The following ANKFN1 variants were observed in gnomAD, a reference collection of about 807,000 sequenced individuals.
The protein encoded by ANKFN1 is ankyrin repeat and fibronectin type III domain containing 1.
ANKFN1 carries 74 observed loss-of-function variants against 108.7 expected under a neutral mutation model. The ratio of observed to expected loss-of-function variants is 0.68; its 90% CI spans 0.56 to 0.83. The LOEUF (loss-of-function observed/expected upper bound fraction) is 0.83. ANKFN1 is among the 40% of genes least tolerant of loss of function. ANKFN1 has a pLI of 0.00. For missense variants in ANKFN1, 1,505 were observed against 1,382.3 expected, an observed-to-expected ratio of 1.09 and a Z score of -1.41; for synonymous variants, 547 against 516.2, an observed-to-expected ratio of 1.06 and a Z score of -0.81.
At chr17:56,302,754 A>C (rs2044710149) in intron 3 of ANKFN1, among the ~76,000 whole-genome samples, 1 of 152,188 alleles carries the variant, frequency 6.6e-6, no homozygotes, top group Non-Finnish European at 1.5e-5. Context: ...CCAAACCAAG[A>C]GACATACATA....
In ANKFN1 at chr17:56,124,574, A is replaced by G. The variant is rs74367335; in HGVS notation, c.288+78249A>G. On this transcript the variant is annotated intron_variant, in intron 4 of 12. Transcript: ENST00000635860. Reference sequence around the variant, plus strand: ...CAGGAGTCTGGCTTTATCCACTCTAACCCTCTTGTTCAGGACCCCAGTCAA... The same window carrying G: ...CAGGAGTCTGGCTTTATCCACTCTAGCCCTCTTGTTCAGGACCCCAGTCAA... Among the ~76,000 whole-genome samples the G allele has an allele frequency of 3.3e-3, 502 of 151,990 alleles. 4 individuals carry two copies. The highest frequency in any genetic ancestry group is 0.012 in the African/African-American group (483 of 41,436).
intron 8 of ANKFN1, among the ~76,000 whole-genome samples, chr17:56,389,974 G>T (rs760673444): frequency 1.3e-5 from 2 of 151,786 alleles, no homozygotes; most frequent in Admixed American, 1.3e-4. Flanking sequence ...CCCACTGATT[G>T]TTCAGGTGTC....
chr17:56,165,115 AATTGAT>A (rs1235587805), intron 1 of ANKFN1, among the ~76,000 whole-genome samples: 2 of 152,314 alleles, frequency 1.3e-5, no homozygotes, highest in Admixed American at 1.3e-4. Context: ...ATGGAATGAA[AATTGAT>A]ATTGCTTGAG....
intron 1 of ANKFN1, among the ~76,000 whole-genome samples, chr17:56,188,581 G>GTGTGTGTGTGTGTGTGTGTA (rs1212242378): frequency 1.4e-4 from 7 of 49,648 alleles, no homozygotes; most frequent in African/African-American, 7.1e-4. Context: ...GTGTGTGTGT[G>GTGTGTGTGTGTGTGTGTGTA]TATATATATA....
chr17:56,168,728 C>G (rs1335782742), intron 1 of ANKFN1, among the ~76,000 whole-genome samples: 2 of 152,134 alleles, frequency 1.3e-5, no homozygotes, highest in Non-Finnish European at 2.9e-5. Flanking sequence ...TATTGATAAG[C>G]CTATATTTCA....
intron 4 of ANKFN1, among the ~76,000 whole-genome samples, chr17:56,067,621 T>G (rs977916009): frequency 6.6e-6 from 1 of 152,240 alleles, no homozygotes; most frequent in African/African-American, 2.4e-5. Context: ...TAGATGAAAC[T>G]GTGACATTTC....
chr17:56,343,720 A>G (rs112858991), intron 4 of ANKFN1, among the ~76,000 whole-genome samples: 404 of 151,948 alleles, frequency 2.7e-3, no homozygotes, highest in African/African-American at 9.0e-3. Flanking sequence ...ATATTGGTAT[A>G]CTTGACAGTG....
intron 8 of ANKFN1, among the ~76,000 whole-genome samples, chr17:56,417,392 C>T (rs190377109): frequency 2.0e-5 from 3 of 152,226 alleles, no homozygotes; most frequent in Admixed American, 6.5e-5. Flanking sequence ...AATTTAAAAT[C>T]CCTTTGTTCT....
chr17:56,325,505 A>G (rs2045491463), intron 3 of ANKFN1, among the ~76,000 whole-genome samples: 1 of 152,242 alleles, frequency 6.6e-6, no homozygotes, highest in African/African-American at 2.4e-5. Flanking sequence ...TGTGTCTGGC[A>G]TAGAAGCAGC....
chr17:56,047,723 G>C (rs766590164), intron 4 of ANKFN1, among the ~76,000 whole-genome samples: 2 of 152,142 alleles, frequency 1.3e-5, no homozygotes, highest in Admixed American at 6.5e-5. Context: ...TTCAAATCAG[G>C]TGATAAGTAG....
At chr17:56,262,175 TAG>T (rs575862137) in intron 3 of ANKFN1, among the ~76,000 whole-genome samples, 12 of 152,234 alleles carry the variant, frequency 7.9e-5, no homozygotes, top group Admixed American at 2.0e-4. Context: ...AGAGAGAAGC[TAG>T]AGAGGATTGA....
intron 4 of ANKFN1, among the ~76,000 whole-genome samples, chr17:56,052,849 A>G (rs1298553157): frequency 6.6e-6 from 1 of 152,184 alleles, no homozygotes; most frequent in African/African-American, 2.4e-5. Context: ...GCCAGCAGAT[A>G]AGAAGGCATT....
intron 6 of ANKFN1, among the ~76,000 whole-genome samples, chr17:56,354,554 A>G (rs2144688190): frequency 6.6e-6 from 1 of 152,350 alleles, no homozygotes; most frequent in East Asian, 1.9e-4. Flanking sequence ...CCAATAAGCA[A>G]GTAAATAGAT....
At chr17:56,200,038 C>G (rs1913908063) in intron 1 of ANKFN1, among the ~76,000 whole-genome samples, 1 of 152,058 alleles carries the variant, frequency 6.6e-6, no homozygotes, top group Non-Finnish European at 1.5e-5. Context: ...CTGATGTATC[C>G]TAGGCATTTG....
At chr17:56,330,708 C>T (rs1438478329) in intron 4 of ANKFN1, among the ~76,000 whole-genome samples, 1 of 152,056 alleles carries the variant, frequency 6.6e-6, no homozygotes, top group Non-Finnish European at 1.5e-5. Context: ...GTTGGTTACC[C>T]TATGTGGGAT....
intron 4 of ANKFN1, among the ~76,000 whole-genome samples, chr17:56,146,307 G>A (rs1908258936): frequency 6.6e-6 from 1 of 152,162 alleles, no homozygotes; most frequent in African/African-American, 2.4e-5. Context: ...GCCTGTTAGT[G>A]GATCTACCAT....
chr17:56,363,117 G>A lies in ANKFN1; in HGVS notation c.601+9071G>A, dbSNP rs567230566. On this transcript the variant is annotated intron_variant, in intron 6 of 20. Transcript: ENST00000682825. The stretch of plus-strand genomic sequence containing the variant: ...CCAGCTACTGTAATCCCAGCTACTC[G>A]GGAGGCTGAGGCAGGAGAATCGCTT... Among the ~76,000 whole-genome samples, 334 of 152,160 alleles carry A rather than the reference G, an allele frequency of 2.2e-3. 1 individual carries two copies. Among genetic ancestry groups the A allele is most frequent in the Non-Finnish European group, 2.5e-3 (170 of 67,984 alleles).
intron 4 of ANKFN1, among the ~76,000 whole-genome samples, chr17:56,112,147 C>G (rs954486175): frequency 4.6e-5 from 7 of 152,068 alleles, no homozygotes; most frequent in African/African-American, 1.7e-4. Flanking sequence ...ATGATGCTGT[C>G]TTTTATTAGA....
At position 56,408,263 on chromosome 17, in the gene ANKFN1, C is replaced by T. The variant is rs186472079; in HGVS notation, c.911-32064C>T. 1.8e-4 allele frequency among the ~76,000 whole-genome samples: 28 copies of T among 152,232 alleles called. 1 individual carries two copies. Among genetic ancestry groups the T allele is most frequent in the African/African-American group, 6.5e-4 (27 of 41,562 alleles). On this transcript the variant is annotated intron_variant, in intron 8 of 20. Coordinates refer to ENST00000682825, the MANE Select transcript of ANKFN1 (RefSeq NM_001370326.1). Reference sequence around the variant, plus strand: ...ATTTAAATTATTTATAATGGTCAATCAGTTGGCCCATTATAGTATTCTGGG... The same window carrying T: ...ATTTAAATTATTTATAATGGTCAATTAGTTGGCCCATTATAGTATTCTGGG...
Sources: allele counts gnomAD v4.1 joint callset (sites outside exome capture counted in the v4.1 genomes callset), GRCh38; gene constraint gnomAD v4.1.1; transcripts MANE v1.5; gene names NCBI Gene and HGNC (gene_info 2026-07-23, HGNC 2026-07-21).